The following FRRS1L variants were observed in gnomAD, a reference collection of about 807,000 sequenced individuals.
FRRS1L encodes DOMON domain-containing protein FRRS1L.
A neutral mutation model predicts 28.6 loss-of-function variants in FRRS1L; 22 were observed. The ratio of observed to expected loss-of-function variants is 0.77; its 90% CI spans 0.55 to 1.10. The LOEUF (loss-of-function observed/expected upper bound fraction) is 1.10. Ranked by LOEUF, FRRS1L falls within the 50% of genes least tolerant of loss-of-function variation. FRRS1L has a pLI of 0.00. For missense variants in FRRS1L, 380 were observed against 386.9 expected (o/e 0.98, Z 0.15); for synonymous variants, 158 against 151.4 (o/e 1.04, Z -0.32).
chr9:109,152,620 C>T (rs1266779800), intron 1 of FRRS1L, among the ~76,000 whole-genome samples: 1 of 150,882 alleles, frequency 6.6e-6, no homozygotes, highest in African/African-American at 2.4e-5. Flanking sequence ...CTGGCTAACA[C>T]AGTGAAACCC....
At chr9:109,157,455 T>A (rs1016329287) in intron 1 of FRRS1L, among the ~76,000 whole-genome samples, 6 of 152,208 alleles carry the variant, frequency 3.9e-5, no homozygotes, top group Non-Finnish European at 8.8e-5. Context: ...GGCACAATCA[T>A]GGCTCATTGC....
chr9:109,161,561 G>T (rs1183773099), intron 1 of FRRS1L, among the ~76,000 whole-genome samples: 3 of 151,912 alleles, frequency 2.0e-5, no homozygotes, highest in Non-Finnish European at 4.4e-5. Flanking sequence ...TTTCTTGGTT[G>T]ATTTTTTAGG....
Position 109,150,922 on chromosome 9 carries a change from CAG to C in FRRS1L, c.239-1204_239-1203del, listed in dbSNP as rs1304457723. On this transcript the variant is annotated intron_variant, in intron 1 of 4. Transcript: ENST00000561981. ...CCCACAGACATTAGGAAATGTAAAT[CAG>C]TACAAACTTTTAAAAATCATTCTAT... 6 of 152,308 alleles carry C rather than the reference CAG, an allele frequency of 3.9e-5. No homozygotes were observed. In the East Asian group the frequency reaches 5.8e-4, roughly 15 times the overall value. 9.4% of individuals were successfully genotyped at this position (152,308 alleles called of 1,614,324 possible).
intron 3 of FRRS1L, among the ~76,000 whole-genome samples, chr9:109,146,546 C>A (rs539085368): frequency 3.9e-5 from 6 of 152,276 alleles, no homozygotes; most frequent in Admixed American, 2.0e-4. Context: ...CAGAAGTATT[C>A]TTTCTGTAGT....
intron 1 of FRRS1L, among the ~76,000 whole-genome samples, chr9:109,160,314 C>G (rs971933143): frequency 6.6e-6 from 1 of 152,206 alleles, no homozygotes; most frequent in Non-Finnish European, 1.5e-5. Context: ...GATAATCCCA[C>G]TAGCCACCTA....
At chr9:109,141,108 A>G (rs1413456499) in intron 4 of FRRS1L, 11 of 572,308 alleles carry the variant, frequency 1.9e-5, no homozygotes, top group East Asian at 1.5e-4. Context: ...ATGACATACT[A>G]TCTTGTACTG....
chr9:109,165,158 C>T (rs554585145), intron 1 of FRRS1L, among the ~76,000 whole-genome samples: 12 of 152,352 alleles, frequency 7.9e-5, no homozygotes, highest in African/African-American at 2.4e-4. Flanking sequence ...AGACGGGCTT[C>T]GGAATATTTA....
chr9:109,166,641 A>C (rs919709662), intron 1 of FRRS1L, among the ~76,000 whole-genome samples: 4 of 151,304 alleles, frequency 2.6e-5, no homozygotes, highest in Admixed American at 2.0e-4. Context: ...AACTTGGATG[A>C]CCCCTCCCTC....
chr9:109,138,697 AG>A (rs1364435445), intron 4 of FRRS1L: 7 of 151,962 alleles, frequency 4.6e-5, no homozygotes, highest in Middle Eastern at 3.2e-3. Flanking sequence ...TGGGTAACAG[AG>A]CAGACTTTTC....
At chr9:109,161,592 T>C (rs554127106) in intron 1 of FRRS1L, among the ~76,000 whole-genome samples, 1 of 152,206 alleles carries the variant, frequency 6.6e-6, no homozygotes, top group Non-Finnish European at 1.5e-5. Context: ...GGCTTTGTGG[T>C]TTCCATTCTT....
chr9:109,160,869 T>TG (rs1397837733), intron 1 of FRRS1L, among the ~76,000 whole-genome samples: 18 of 148,546 alleles, frequency 1.2e-4, no homozygotes, highest in Admixed American at 1.1e-3. Context: ...CTTGGCTCAC[T>TG]GCAAGCTCCG....
intron 1 of FRRS1L, among the ~76,000 whole-genome samples, chr9:109,166,045 C>A (rs898178478): frequency 2.0e-5 from 3 of 152,178 alleles, no homozygotes; most frequent in Non-Finnish European, 4.4e-5. Flanking sequence ...GAACTTAATC[C>A]TAACAACAGA....
At chr9:109,151,173 C>G (rs902939380) in intron 1 of FRRS1L, 1 of 152,192 alleles carries the variant, frequency 6.6e-6, no homozygotes, top group Non-Finnish European at 1.5e-5. Flanking sequence ...TTTTTACCAC[C>G]AAAGTAGTTG....
intron 2 of FRRS1L, 41 bp downstream of exon 2, chr9:109,149,594 CA>C: frequency 2.3e-6 from 3 of 1,298,718 alleles, no homozygotes; most frequent in Non-Finnish European, 3.4e-6. Context: ...AGAAGTAAAT[CA>C]GTCTTAGCCT....
At position 109,133,968 on chromosome 9, in the gene FRRS1L, A is replaced by G. The variant is rs1007965046; in HGVS notation, c.*3487T>C. On this transcript the variant is annotated 3_prime_UTR_variant, in exon 5 of 5. Transcript: ENST00000561981. The stretch of plus-strand genomic sequence containing the variant: ...TTCTCTGAGATAATGGTCAAAGGCC[A>G]TTCTGTATCACTGGTGTGAATTCTT... 1 of 152,248 alleles carries G rather than the reference A, an allele frequency of 6.6e-6. No individual in the cohort carries two copies. Among genetic ancestry groups the G allele is most frequent in the Non-Finnish European group, 1.5e-5 (1 of 68,046 alleles). 9.4% of individuals were successfully genotyped at this position (152,248 alleles called of 1,614,324 possible). A position where few individuals can be genotyped will look rare whatever the true frequency, so the allele number is the denominator to read the frequency against.
At chr9:109,153,478 G>A (rs1831362773) in intron 1 of FRRS1L, among the ~76,000 whole-genome samples, 1 of 152,192 alleles carries the variant, frequency 6.6e-6, no homozygotes, top group Non-Finnish European at 1.5e-5. Flanking sequence ...GCCTTTGGGA[G>A]CCTCTCAGAC....
chr9:109,141,251 C>T, intron 4 of FRRS1L, 92 bp downstream of exon 4: 5 of 1,426,550 alleles, frequency 3.5e-6, no homozygotes, highest in Middle Eastern at 1.8e-4. Context: ...GTGCTTATCG[C>T]TCTCTTGTGC....
At chr9:109,160,034 G>A (rs997977824) in intron 1 of FRRS1L, among the ~76,000 whole-genome samples, 9 of 152,098 alleles carry the variant, frequency 5.9e-5, no homozygotes, top group Admixed American at 3.9e-4. Context: ...TAGGCTTTGT[G>A]GATCCCCTTT....
chr9:109,162,102 G>C (rs1480430922), intron 1 of FRRS1L, among the ~76,000 whole-genome samples: 1 of 152,180 alleles, frequency 6.6e-6, no homozygotes, highest in Non-Finnish European at 1.5e-5. Flanking sequence ...GATCTCTTGA[G>C]GTCAGGAGTT....
Sources: allele counts gnomAD v4.1 joint callset (sites outside exome capture counted in the v4.1 genomes callset), GRCh38; gene constraint gnomAD v4.1.1; transcripts MANE v1.5; gene names NCBI Gene and HGNC (gene_info 2026-07-23, HGNC 2026-07-21).